Variants in GRM1 observed in about 807,000 individuals in gnomAD.
GRM1 encodes metabotropic glutamate receptor 1.
In GRM1, 33 loss-of-function variants were observed where a neutral mutation model predicts 90.9. The ratio of observed to expected loss-of-function variants is 0.36; its 90% confidence interval spans 0.28 to 0.49. GRM1 has a LOEUF of 0.49. Among genes scored for constraint, GRM1 ranks in the 20% least tolerant of loss-of-function variants. The pLI is 0.99. For synonymous variants in GRM1, 700 were observed against 613.2 expected (o/e 1.14, Z -2.09); for missense variants, 1,190 against 1,534.3 (o/e 0.78, Z 3.75).
rs977848981 is a variant in GRM1 at position 146,437,427 on chromosome 6, A to G, written c.*2631A>G. ...AGTCCTTATGTCATCATTGTTCAAA[A>G]TTGGAGATGTACACATACATACCCT... On this transcript the variant is annotated 3_prime_UTR_variant, in exon 8 of 8. Coordinates refer to ENST00000282753, the MANE Select transcript of GRM1 (RefSeq NM_001278064.2). 2.0e-4 allele frequency: 30 copies of G among 152,744 alleles called. No homozygotes were observed. The highest frequency in any genetic ancestry group is 6.5e-4 in the African/African-American group (27 of 41,568). The allele number at this position is 152,744 out of a possible 1,614,324, so 9.5% of individuals were successfully genotyped here.
At chr6:146,224,026 T>G (rs1780157590) in intron 2 of GRM1, among the ~76,000 whole-genome samples, 1 of 152,108 alleles carries the variant, frequency 6.6e-6, no homozygotes, top group African/African-American at 2.4e-5. Context: ...TCATTACTTA[T>G]GAATAATTTG....
intron 3 of GRM1, among the ~76,000 whole-genome samples, chr6:146,331,138 G>A (rs1364958687): frequency 6.6e-6 from 1 of 152,152 alleles, no homozygotes; most frequent in Non-Finnish European, 1.5e-5. Flanking sequence ...AGTCTCAGAA[G>A]AGCGGCTGAT....
At chr6:146,312,349 CAAAAAAAAAAA>C (rs1166008558) in intron 3 of GRM1, among the ~76,000 whole-genome samples, 487 of 21,344 alleles carry the variant, frequency 0.023, 8 homozygotes, top group African/African-American at 0.06. Flanking sequence ...AACTCCGTCT[CAAAAAAAAAAA>C]AAAAAAAAAA....
At chr6:146,224,386 C>T (rs1338053310) in intron 2 of GRM1, among the ~76,000 whole-genome samples, 1 of 152,026 alleles carries the variant, frequency 6.6e-6, no homozygotes, top group Non-Finnish European at 1.5e-5. Flanking sequence ...GTACAACTTG[C>T]TAAATTAGTT....
chr6:146,144,201 G>A (rs1777003063), intron 1 of GRM1, among the ~76,000 whole-genome samples: 1 of 152,140 alleles, frequency 6.6e-6, no homozygotes, highest in Non-Finnish European at 1.5e-5. Context: ...CTTGGTTTCT[G>A]CTCATAAAGA....
intron 7 of GRM1, among the ~76,000 whole-genome samples, chr6:146,412,075 C>G (rs1338061161): frequency 1.3e-5 from 2 of 152,108 alleles, no homozygotes; most frequent in African/African-American, 4.8e-5. Flanking sequence ...CCCTCCATCC[C>G]CTCCTTCTGC....
intron 1 of GRM1, among the ~76,000 whole-genome samples, chr6:146,153,944 A>G (rs1439615345): frequency 1.3e-5 from 2 of 152,230 alleles, no homozygotes; most frequent in Admixed American, 1.3e-4. Flanking sequence ...AGAAATAAGA[A>G]GTAACCTAAG....
intron 2 of GRM1, among the ~76,000 whole-genome samples, chr6:146,195,867 T>C (rs1384658692): frequency 6.6e-6 from 1 of 152,124 alleles, no homozygotes; most frequent in Non-Finnish European, 1.5e-5. Flanking sequence ...GGAACACTCA[T>C]AGAATTGCAG....
intron 6 of GRM1, among the ~76,000 whole-genome samples, chr6:146,393,373 G>A (rs1776802923): frequency 6.6e-6 from 1 of 152,060 alleles, no homozygotes; most frequent in Non-Finnish European, 1.5e-5. Context: ...AATTTTTGAT[G>A]CAGTTGTTTT....
chr6:146,195,401 C>T (rs9386147), intron 2 of GRM1, among the ~76,000 whole-genome samples: 30,720 of 152,136 alleles, frequency 0.2, 3,938 homozygotes, highest in East Asian at 0.29. Context: ...CCTCCTCAGA[C>T]CCGCCGTTCA....
chr6:146,343,931 G>T (rs1785077123), intron 3 of GRM1, among the ~76,000 whole-genome samples: 1 of 152,108 alleles, frequency 6.6e-6, no homozygotes, highest in African/African-American at 2.4e-5. Context: ...ACCAAGATCT[G>T]GGCATTGGGT....
intron 2 of GRM1, among the ~76,000 whole-genome samples, chr6:146,267,717 T>G (rs79012423): frequency 9.7e-5 from 11 of 113,492 alleles, no homozygotes; most frequent in Admixed American, 1.7e-4. Context: ...TCTCGTCTCG[T>G]CTCGTCTCGT....
At chr6:146,197,126 A>C (rs1409142012) in intron 2 of GRM1, among the ~76,000 whole-genome samples, 2 of 152,194 alleles carry the variant, frequency 1.3e-5, no homozygotes, top group Non-Finnish European at 2.9e-5. Flanking sequence ...AGGACATAGA[A>C]CTCAGAAACG....
rs73009075 is a variant in GRM1 at position 146,365,744 on chromosome 6, G to A, written c.1602+8050G>A. On this transcript the variant is annotated intron_variant, in intron 5 of 7. Coordinates refer to ENST00000282753, the MANE Select transcript of GRM1 (RefSeq NM_001278064.2). ...CCTCCCTCAAGATTTTACTTAAGTG[G>A]CAACATCTTAGCGGGACCTTACCTG... 4.2e-3 allele frequency among the ~76,000 whole-genome samples: 633 copies of A among 152,192 alleles called. 3 individuals carry two copies. The highest frequency in any genetic ancestry group is 6.8e-3 in the Middle Eastern group (2 of 294).
chr6:146,193,727 AG>A (rs1378742484), intron 2 of GRM1, among the ~76,000 whole-genome samples: 3 of 152,118 alleles, frequency 2.0e-5, no homozygotes, highest in Non-Finnish European at 2.9e-5. Context: ...AATGCATTCT[AG>A]GTCATACGTC....
At chr6:146,315,903 G>A (rs536992074) in intron 3 of GRM1, among the ~76,000 whole-genome samples, 2 of 152,056 alleles carry the variant, frequency 1.3e-5, no homozygotes, top group Non-Finnish European at 2.9e-5. Context: ...TTGGCATTCC[G>A]AAACCAGTAA....
intron 2 of GRM1, among the ~76,000 whole-genome samples, chr6:146,247,717 C>T (rs1258054205): frequency 6.7e-6 from 1 of 148,432 alleles, no homozygotes; most frequent in African/African-American, 2.5e-5. Flanking sequence ...TGCCACTGCT[C>T]CCTAGCCTGG....
chr6:146,099,502 T>C (rs1401604658), intron 1 of GRM1, among the ~76,000 whole-genome samples: 2 of 152,220 alleles, frequency 1.3e-5, no homozygotes, highest in African/African-American at 4.8e-5. Flanking sequence ...ATCTCCCTGA[T>C]TATCCCTGCC....
chr6:146,389,387 C>A (rs1355602480), intron 6 of GRM1, among the ~76,000 whole-genome samples: 2 of 150,542 alleles, frequency 1.3e-5, no homozygotes, highest in African/African-American at 4.9e-5. Context: ...AAAAAAATTT[C>A]TATCCTATTT....
Sources: gnomAD v4.1 joint callset for allele counts (sites outside exome capture counted in the v4.1 genomes callset) on GRCh38, gnomAD v4.1.1 for gene constraint, MANE v1.5 for transcripts, NCBI Gene and HGNC (gene_info 2026-07-23, HGNC 2026-07-21) for gene names.